PCDH15: variants seen among roughly 807,000 people sequenced by gnomAD.
The protein encoded by PCDH15 is protocadherin-15.
In PCDH15, 129 loss-of-function variants were observed where a neutral mutation model predicts 178.5. That is an observed-to-expected ratio of 0.72 (90% CI 0.63 to 0.84). The LOEUF (loss-of-function observed/expected upper bound fraction) is 0.84. PCDH15 is among the 40% of genes least tolerant of loss of function. The pLI is 0.00. For missense variants in PCDH15, 2,230 were observed against 2,099.9 expected (o/e 1.06, Z -1.21); for synonymous variants, 800 against 732.0 (o/e 1.09, Z -1.50).
intron 2 of PCDH15, among the ~76,000 whole-genome samples, chr10:54,936,931 A>C (rs1401687224): frequency 6.6e-6 from 1 of 151,930 alleles, no homozygotes; most frequent in Non-Finnish European, 1.5e-5. Flanking sequence ...ATCCAAAATC[A>C]CAATGATTAC....
intron 2 of PCDH15, among the ~76,000 whole-genome samples, chr10:55,479,589 C>A (rs1489460151): frequency 6.6e-6 from 1 of 151,592 alleles, no homozygotes; most frequent in Non-Finnish European, 1.5e-5. Flanking sequence ...AAAAGTTTTA[C>A]TTCTGAAATC....
At chr10:53,881,752 T>G (rs2080736357) in intron 26 of PCDH15, among the ~76,000 whole-genome samples, 1 of 152,194 alleles carries the variant, frequency 6.6e-6, no homozygotes. Context: ...GATGTTTTGA[T>G]GTGAATTGTG....
intron 2 of PCDH15, among the ~76,000 whole-genome samples, chr10:54,970,671 C>T (rs183508908): frequency 4.6e-5 from 7 of 151,982 alleles, no homozygotes; most frequent in Non-Finnish European, 1.0e-4. Context: ...ATAATAAAAT[C>T]TCTTGCCATC....
chr10:55,626,194 G>A (rs967423298), intron 2 of PCDH15, among the ~76,000 whole-genome samples: 2 of 150,718 alleles, frequency 1.3e-5, no homozygotes, highest in Non-Finnish European at 2.9e-5. Context: ...AAATAAAAAA[G>A]CAAGCAAGCA....
chr10:54,583,267 T>G (rs534808338), intron 2 of PCDH15, among the ~76,000 whole-genome samples: 6 of 152,138 alleles, frequency 3.9e-5, no homozygotes, highest in Admixed American at 3.3e-4. Flanking sequence ...TTTAATCCAA[T>G]GGCTATAAAA....
At chr10:55,341,787 ATATATATATATATATATATTTTTT>A (rs1175830303) in intron 2 of PCDH15, among the ~76,000 whole-genome samples, 7 of 54,850 alleles carry the variant, frequency 1.3e-4, no homozygotes, top group African/African-American at 6.6e-4. Flanking sequence ...ATATATATAT[ATATATATATATATATATATTTTTT>A]TTTTTTTTTT....
Position 55,395,233 on chromosome 10 carries a change from AAG to A in PCDH15, c.-155-228584_-155-228583del, listed in dbSNP as rs1472870808. Among the ~76,000 whole-genome samples, 26 of 95,030 alleles carry A rather than the reference AAG, an allele frequency of 2.7e-4. No individual in the cohort carries two copies. In the South Asian group the frequency reaches 3.0e-3, roughly 11 times the overall value. 62.3% of individuals were successfully genotyped at this position (95,030 alleles called of 152,430 possible). ...AGAGAGAGAGAGAGAGAGAGAGAGA[AAG>A]AGACTACGTACGTTTTAATGTGTAG... is the stretch of plus-strand genomic sequence containing the variant. On this transcript the variant is annotated intron_variant, in intron 2 of 5. Transcript: ENST00000613346.
At chr10:55,009,549 A>G (rs1020744194) in intron 2 of PCDH15, among the ~76,000 whole-genome samples, 1 of 152,102 alleles carries the variant, frequency 6.6e-6, no homozygotes, top group African/African-American at 2.4e-5. Context: ...AGCAAAATTC[A>G]TAATTATTAT....
At chr10:55,551,338 C>A (rs2132088108) in intron 2 of PCDH15, among the ~76,000 whole-genome samples, 1 of 152,030 alleles carries the variant, frequency 6.6e-6, no homozygotes, top group South Asian at 2.1e-4. Flanking sequence ...TTGACAATAG[C>A]AATTTTATGG....
At chr10:55,192,513 C>T (rs1292484627) in intron 1 of PCDH15, among the ~76,000 whole-genome samples, 5 of 151,562 alleles carry the variant, frequency 3.3e-5, no homozygotes, top group African/African-American at 1.2e-4. Flanking sequence ...AATACTTTTC[C>T]TGCCTTTGAT....
Position 55,226,282 on chromosome 10 carries a change from C to T in PCDH15, c.-155-59631G>A, listed in dbSNP as rs183748917. 2.7e-3 allele frequency among the ~76,000 whole-genome samples: 414 copies of T among 152,176 alleles called. 3 individuals are homozygous for T. Among genetic ancestry groups the T allele is most frequent in the Admixed American group, 0.011 (163 of 15,296 alleles). ...GAGAAGAGATTGATGAGGGAGAGAACACAAAATATTATTTAATTCTATAGT... is the reference window on the plus strand; with the variant it reads ...GAGAAGAGATTGATGAGGGAGAGAATACAAAATATTATTTAATTCTATAGT... On this transcript the variant is annotated intron_variant, in intron 1 of 5. Transcript: ENST00000458638.
intron 3 of PCDH15, among the ~76,000 whole-genome samples, chr10:54,402,164 A>G (rs893905521): frequency 1.3e-5 from 2 of 151,922 alleles, no homozygotes; most frequent in Non-Finnish European, 2.9e-5. Flanking sequence ...AAATTCATGT[A>G]TCAAAAGTAA....
At chr10:54,163,599 AC>A (rs2045929003) in intron 13 of PCDH15, among the ~76,000 whole-genome samples, 1 of 152,138 alleles carries the variant, frequency 6.6e-6, no homozygotes, top group African/African-American at 2.4e-5. Flanking sequence ...ACAGAGCCAA[AC>A]CAAACCGAGG....
intron 2 of PCDH15, among the ~76,000 whole-genome samples, chr10:55,485,543 T>C (rs1181509592): frequency 1.3e-5 from 2 of 151,672 alleles, no homozygotes; most frequent in Non-Finnish European, 3.0e-5. Context: ...AGGAAAGCTC[T>C]TGGGAATGTA....
chr10:54,631,492 G>A (rs1023919809), intron 2 of PCDH15, among the ~76,000 whole-genome samples: 4 of 152,136 alleles, frequency 2.6e-5, no homozygotes, highest in Non-Finnish European at 4.4e-5. Context: ...GTGGAAAGCA[G>A]TTTGGAGATT....
intron 2 of PCDH15, among the ~76,000 whole-genome samples, chr10:55,137,605 T>G (rs1460494664): frequency 1.4e-5 from 1 of 73,380 alleles, no homozygotes; most frequent in African/African-American, 5.9e-5. Context: ...ATTGACAAAT[T>G]TATTCAATTA....
rs952710889 is a variant in PCDH15 at position 55,024,190 on chromosome 10, A to AAT, written c.-79-126692_-79-126691dup. Among the ~76,000 whole-genome samples, 64 of 144,762 alleles carry AAT rather than the reference A, an allele frequency of 4.4e-4. 1 individual carries two copies. The highest frequency in any genetic ancestry group is 1.1e-3 in the Admixed American group (16 of 14,224). The allele number at this position is 144,762 out of a possible 152,430, so 95.0% of individuals were successfully genotyped here. Reference sequence around the variant, plus strand: ...AGGAATATATATAGAGAGAGGAAGGAATATATATATATATAATAGGAAGGA... The same window carrying AAT: ...AGGAATATATATAGAGAGAGGAAGGAATATATATATATATATAATAGGAAGGA... On this transcript the variant is annotated intron_variant, in intron 2 of 5. Transcript: ENST00000458638.
At chr10:53,856,241 A>G (rs969651928) in intron 28 of PCDH15, among the ~76,000 whole-genome samples, 3 of 151,690 alleles carry the variant, frequency 2.0e-5, no homozygotes, top group Non-Finnish European at 4.4e-5. Flanking sequence ...TAACCAAAAA[A>G]AGAAAAAAAA....
chr10:54,189,433 C>A (rs1305003963), intron 11 of PCDH15: 1 of 1,346,956 alleles, frequency 7.4e-7, no homozygotes, highest in South Asian at 1.6e-5. Context: ...TAAATGATCA[C>A]AACCGCACAT....
Sources: gnomAD v4.1 joint callset for allele counts (sites outside exome capture counted in the v4.1 genomes callset) on GRCh38, gnomAD v4.1.1 for gene constraint, MANE v1.5 for transcripts, NCBI Gene and HGNC (gene_info 2026-07-23, HGNC 2026-07-21) for gene names.